AGBL1: variants seen among roughly 807,000 people sequenced by gnomAD.
AGBL1 encodes the protein cytosolic carboxypeptidase 4.
A neutral mutation model predicts 118.9 loss-of-function variants in AGBL1; 130 were observed. The ratio of observed to expected loss-of-function variants is 1.09; its 90% CI spans 0.95 to 1.26. The LOEUF (loss-of-function observed/expected upper bound fraction) is 1.26. Ranked by LOEUF, AGBL1 falls within the 50% of genes most tolerant of loss-of-function variation. The pLI, the probability that AGBL1 is intolerant of heterozygous loss-of-function variation, is 0.00. For synonymous variants in AGBL1, 555 were observed against 478.9 expected (o/e 1.16, Z -2.08); for missense variants, 1,584 against 1,298.1 (o/e 1.22, Z -3.38).
intron 23 of AGBL1, among the ~76,000 whole-genome samples, chr15:86,966,169 A>T (rs1040014836): frequency 3.9e-5 from 6 of 152,036 alleles, no homozygotes; most frequent in African/African-American, 9.7e-5. Context: ...CTAAGGTATC[A>T]GGGACTCTGT....
At chr15:86,810,729 T>C (rs1236394578) in intron 22 of AGBL1, among the ~76,000 whole-genome samples, 3 of 152,186 alleles carry the variant, frequency 2.0e-5, no homozygotes, top group Non-Finnish European at 1.5e-5. Context: ...GTGCTTTCTT[T>C]GCCTTAGGTT....
intron 21 of AGBL1, among the ~76,000 whole-genome samples, chr15:86,657,897 G>C (rs986755853): frequency 6.6e-6 from 1 of 151,956 alleles, no homozygotes; most frequent in Admixed American, 6.6e-5. Flanking sequence ...TTTAGGTTTA[G>C]GGGAGCTAAG....
At chr15:86,152,455 C>A (rs542830151) in intron 3 of AGBL1, among the ~76,000 whole-genome samples, 18 of 152,118 alleles carry the variant, frequency 1.2e-4, no homozygotes, top group African/African-American at 3.6e-4. Context: ...GAAAACTGGC[C>A]AGCGATATGT....
chr15:86,426,554 G>C (rs150840402), intron 18 of AGBL1, among the ~76,000 whole-genome samples: 1 of 152,164 alleles, frequency 6.6e-6, no homozygotes, highest in Non-Finnish European at 1.5e-5. Context: ...AGATGGAACC[G>C]GCCAACAACT....
Position 86,999,464 on chromosome 15 carries a change from A to T in AGBL1, c.3323+11376A>T, listed in dbSNP as rs1369780785. ...TCAGTTCCCACCTATGAGTGAGAAT[A>T]TGCGGTGTTTGGTTTTTTGTTCTTG... On this transcript the variant is annotated intron_variant, in intron 24 of 24. Transcript: ENST00000441037. Among the ~76,000 whole-genome samples the T allele has an allele frequency of 3.2e-4, 47 of 147,134 alleles. 1 individual carries two copies. The highest frequency in any genetic ancestry group is 2.5e-3 in the Admixed American group (38 of 14,952).
chr15:86,583,616 T>C (rs2084205299), intron 21 of AGBL1, among the ~76,000 whole-genome samples: 1 of 152,160 alleles, frequency 6.6e-6, no homozygotes, highest in African/African-American at 2.4e-5. Context: ...ATCTTTTCTA[T>C]TGTGAATCGT....
chr15:86,977,820 G>A (rs1248346813), intron 23 of AGBL1, among the ~76,000 whole-genome samples: 1 of 151,862 alleles, frequency 6.6e-6, no homozygotes, highest in Admixed American at 6.6e-5. Context: ...CTTTTAGATC[G>A]ATATTGACTA....
intron 22 of AGBL1, among the ~76,000 whole-genome samples, chr15:86,798,016 C>T (rs968549088): frequency 6.6e-6 from 1 of 152,112 alleles, no homozygotes; most frequent in Non-Finnish European, 1.5e-5. Context: ...TTGGGTCCTG[C>T]CCAGCTGTAA....
At chr15:86,986,890 GAA>G (rs2081289474) in intron 23 of AGBL1, among the ~76,000 whole-genome samples, 1 of 152,134 alleles carries the variant, frequency 6.6e-6, no homozygotes. Context: ...GGCTGAGTCT[GAA>G]AAGAGAGTCA....
intron 18 of AGBL1, among the ~76,000 whole-genome samples, chr15:86,484,592 G>C (rs766860495): frequency 1.3e-5 from 2 of 152,074 alleles, no homozygotes; most frequent in Admixed American, 6.6e-5. Context: ...CTTCTTCCAC[G>C]TTTCGGTGCA....
intron 18 of AGBL1, among the ~76,000 whole-genome samples, chr15:86,480,069 C>T (rs941798103): frequency 4.0e-5 from 6 of 151,740 alleles, no homozygotes; most frequent in African/African-American, 1.5e-4. Flanking sequence ...GGGAACATCA[C>T]ACACTGGGGC....
chr15:86,981,004 A>T (rs2081227217), intron 23 of AGBL1, among the ~76,000 whole-genome samples: 1 of 148,854 alleles, frequency 6.7e-6, no homozygotes, highest in Non-Finnish European at 1.5e-5. Context: ...CTCCTGTCTC[A>T]GACTCCTGAG....
intron 6 of AGBL1, among the ~76,000 whole-genome samples, chr15:86,245,119 C>T (rs1359376897): frequency 1.3e-5 from 2 of 152,000 alleles, no homozygotes; most frequent in African/African-American, 4.8e-5. Flanking sequence ...GCCAAAAAAT[C>T]AGTGGGGCTT....
intron 4 of AGBL1, among the ~76,000 whole-genome samples, chr15:86,158,680 G>C (rs1046952401): frequency 1.3e-5 from 2 of 152,190 alleles, no homozygotes; most frequent in Non-Finnish European, 2.9e-5. Context: ...AAACTTCCCA[G>C]TCTAGTTACT....
chr15:86,744,629 C>A (rs2077727073), intron 22 of AGBL1, among the ~76,000 whole-genome samples: 1 of 152,096 alleles, frequency 6.6e-6, no homozygotes, highest in South Asian at 2.1e-4. Flanking sequence ...GAGACATTCA[C>A]CCCCAGAGGG....
chr15:86,272,265 A>G (rs8025054), intron 15 of AGBL1, among the ~76,000 whole-genome samples: 111,016 of 152,138 alleles, frequency 0.73, 41,432 homozygotes, highest in African/African-American at 0.88. Context: ...CTGCAAAGTT[A>G]TAATGAACTT....
intron 18 of AGBL1, among the ~76,000 whole-genome samples, chr15:86,461,067 G>C (rs551684838): frequency 1.3e-5 from 2 of 152,250 alleles, no homozygotes; most frequent in South Asian, 4.1e-4. Flanking sequence ...CTAGGTCAGT[G>C]GATGTCAACC....
At chr15:86,818,218 T>C (rs188097858) in intron 22 of AGBL1, among the ~76,000 whole-genome samples, 1 of 152,298 alleles carries the variant, frequency 6.6e-6, no homozygotes, top group Admixed American at 6.5e-5. Context: ...TTCTGTTGTT[T>C]TAAGCCACCT....
At chr15:86,098,825 A>G (rs1896539633) in intron 1 of AGBL1, among the ~76,000 whole-genome samples, 1 of 152,032 alleles carries the variant, frequency 6.6e-6, no homozygotes, top group African/African-American at 2.4e-5. Context: ...TAAAAATTTT[A>G]GATTTTTTTT....
Sources: allele counts gnomAD v4.1 joint callset (sites outside exome capture counted in the v4.1 genomes callset), GRCh38; gene constraint gnomAD v4.1.1; transcripts MANE v1.5; gene names NCBI Gene and HGNC (gene_info 2026-07-23, HGNC 2026-07-21).